The following CFH variants were observed in gnomAD, a reference collection of about 807,000 sequenced individuals.
CFH encodes the protein complement factor H.
In CFH, 53 loss-of-function variants were observed where a neutral mutation model predicts 147.3. The ratio of observed to expected loss-of-function variants is 0.36; its 90% CI spans 0.29 to 0.45. The LOEUF (loss-of-function observed/expected upper bound fraction) is 0.45, where lower values mean the gene tolerates loss of function less well. Among genes scored for constraint, CFH ranks in the 20% least tolerant of loss-of-function variants. CFH has a pLI of 1.00. For missense variants in CFH, 1,380 were observed against 1,498.0 expected (o/e 0.92, Z 1.30); for synonymous variants, 536 against 489.4 (o/e 1.10, Z -1.26).
chr1:196,702,697 A>T (rs1434730338), intron 9 of CFH, among the ~76,000 whole-genome samples: 1 of 151,876 alleles, frequency 6.6e-6, no homozygotes, highest in Admixed American at 6.6e-5. Context: ...ATTCACACTG[A>T]CTCTCCCAGT....
In CFH at chr1:196,747,217, G is replaced by C. The variant is rs776558131; in HGVS notation, c.3600G>C (p.Val1200=). 3.1e-6 allele frequency: 5 copies of C among 1,613,920 alleles called. No homozygotes were observed. Among genetic ancestry groups the C allele is most frequent in the Non-Finnish European group, 4.2e-6 (5 of 1,179,880 alleles). ...YSRTGESVEF[V]CKRGYRLSSR... ...GAACAGGTGAATCAGTTGAATTTGTGTGTAAACGGGGATATCGTCTTTCAT... is the reference window on the plus strand; with the variant it reads ...GAACAGGTGAATCAGTTGAATTTGTCTGTAAACGGGGATATCGTCTTTCAT... The change falls in exon 22 of 22, where the codon GTG becomes GTC. Residue 1200 remains valine, a synonymous_variant. Coordinates refer to ENST00000367429, the MANE Select transcript of CFH (RefSeq NM_000186.4).
At chr1:196,722,525 C>G (rs572842616) in intron 11 of CFH, among the ~76,000 whole-genome samples, 1 of 151,992 alleles carries the variant, frequency 6.6e-6, no homozygotes. Context: ...TAATTTTTCC[C>G]GTTCACATTG....
intron 17 of CFH, among the ~76,000 whole-genome samples, chr1:196,738,951 A>G (rs116506498): frequency 8.2e-4 from 125 of 152,318 alleles, no homozygotes; most frequent in African/African-American, 2.8e-3. Context: ...TCTGCAACCT[A>G]GTTGTAGGTT....
intron 11 of CFH, among the ~76,000 whole-genome samples, chr1:196,723,710 ATGCTCCAAGGATGAG>A (rs1393932131): frequency 1.3e-5 from 2 of 152,058 alleles, no homozygotes; most frequent in African/African-American, 2.4e-5. Flanking sequence ...TCACCCTTGG[ATGCTCCAAGGATGAG>A]CACAAGCACC....
At chr1:196,679,490 G>A (rs1667577624) in intron 5 of CFH, 133 bp from the exon 6 acceptor site, 3 of 636,270 alleles carry the variant, frequency 4.7e-6, no homozygotes, top group South Asian at 2.0e-5. Context: ...AAGCGGTCAA[G>A]TCAAAACAGA....
intron 11 of CFH, among the ~76,000 whole-genome samples, chr1:196,717,213 C>T (rs1040785972): frequency 1.3e-5 from 2 of 152,062 alleles, no homozygotes; most frequent in Admixed American, 6.6e-5. Flanking sequence ...CCACTGCTTG[C>T]TGGGCATGTA....
Position 196,672,942 on chromosome 1 carries a change from C to T in CFH, c.59-36C>T, listed in dbSNP as rs551397. The T allele has an allele frequency of 0.27, 421,400 of 1,542,258 alleles. 67,908 individuals are homozygous for T. Among genetic ancestry groups the T allele is most frequent in the African/African-American group, 0.72 (52,704 of 72,752 alleles). The stretch of plus-strand genomic sequence containing the variant: ...TAAATATACTGTACATTTAAATAGA[C>T]ACTTTATGCACTTATTTTGTTTTTA... On this transcript the variant is annotated intron_variant, in intron 1 of 21. Coordinates refer to ENST00000367429, the MANE Select transcript of CFH (RefSeq NM_000186.4).
chr1:196,726,128 T>C (rs534959963), intron 12 of CFH, among the ~76,000 whole-genome samples: 1 of 152,316 alleles, frequency 6.6e-6, no homozygotes, highest in Non-Finnish European at 1.5e-5. Context: ...GTTGATCAAA[T>C]GCTTGCCTCA....
At chr1:196,744,624 A>G (rs1416994031) in intron 20 of CFH, among the ~76,000 whole-genome samples, 1 of 151,874 alleles carries the variant, frequency 6.6e-6, no homozygotes, top group Non-Finnish European at 1.5e-5. Context: ...ATCCATTTAC[A>G]CTCTCCACGT....
chr1:196,710,454 T>C (rs1318594454), intron 9 of CFH, among the ~76,000 whole-genome samples: 5 of 152,180 alleles, frequency 3.3e-5, no homozygotes, highest in African/African-American at 1.2e-4. Flanking sequence ...TCTCTTCTAT[T>C]CTTCCACGTG....
intron 11 of CFH, among the ~76,000 whole-genome samples, chr1:196,720,946 T>C (rs1230715402): frequency 1.3e-5 from 2 of 151,984 alleles, no homozygotes; most frequent in African/African-American, 4.8e-5. Context: ...TTCTTCTTTC[T>C]CCTCACTGTC....
chr1:196,682,720 A>C (rs1354591943), intron 6 of CFH, among the ~76,000 whole-genome samples: 1 of 151,712 alleles, frequency 6.6e-6, no homozygotes, highest in Non-Finnish European at 1.5e-5. Context: ...GTTAGTGTCA[A>C]CATCAAACAC....
chr1:196,690,297 A>G, intron 9 of CFH, 58 bp downstream of exon 9: 2 of 1,598,524 alleles, frequency 1.3e-6, no homozygotes, highest in Non-Finnish European at 1.7e-6. Flanking sequence ...AACATAGATG[A>G]CATTCTAAGA....
chr1:196,687,656 C>T (rs568599287), intron 7 of CFH, among the ~76,000 whole-genome samples: 1 of 151,860 alleles, frequency 6.6e-6, no homozygotes, highest in African/African-American at 2.4e-5. Context: ...TCAAGCTTTC[C>T]CAATGCAGAA....
rs35742764 is a variant in CFH, at chr1:196,747,411, C to T, written c.*98C>T. The T allele has an allele frequency of 3.3e-3, 4,919 of 1,474,208 alleles. 126 individuals are homozygous for T. In the African/African-American group the frequency reaches 0.059, roughly 18 times the overall value. 91.3% of individuals were successfully genotyped at this position (1,474,208 alleles called of 1,614,324 possible). A position where few individuals can be genotyped will look rare whatever the true frequency, so the allele number is the denominator to read the frequency against. On this transcript the variant is annotated 3_prime_UTR_variant, in exon 22 of 22. Transcript: ENST00000367429. ...ATTGTTTTACTCCTTTTTATTCATA[C>T]GTAAAATTTTGGATTAATTTGTGAA...
Position 196,652,270 on chromosome 1 carries a change from T to C in CFH, c.58+95T>C, listed in dbSNP as rs1244566027. On this transcript the variant is annotated intron_variant, in intron 1 of 21. Transcript: ENST00000367429. ...AGTAATAAAAATTTGATTTAGAAAA[T>C]GTGCTTAAGTATTCTGTAACTTGAC... is the stretch of plus-strand genomic sequence containing the variant. The C allele has an allele frequency of 7.3e-6, 7 of 952,634 alleles. No homozygotes were observed. In the East Asian group the frequency reaches 1.3e-4, roughly 17 times the overall value. The allele number at this position is 952,634 out of a possible 1,614,324, so 59.0% of individuals were successfully genotyped here. A position where few individuals can be genotyped will look rare whatever the true frequency, so the allele number is the denominator to read the frequency against.
At chr1:196,677,209 A>T (rs1303381441) in intron 4 of CFH, 1 of 340,956 alleles carries the variant, frequency 2.9e-6, no homozygotes, top group African/African-American at 2.1e-5. Context: ...ATTTAAAAAT[A>T]CTAGTTTGTT....
chr1:196,734,098 A>T (rs1251485775), intron 15 of CFH, among the ~76,000 whole-genome samples: 4 of 152,064 alleles, frequency 2.6e-5, no homozygotes, highest in Non-Finnish European at 5.9e-5. Context: ...TTTATGTGAG[A>T]TCCAAAAACT....
intron 20 of CFH, 56 bp from the exon 21 acceptor site, chr1:196,745,761 A>G: frequency 6.2e-7 from 1 of 1,612,828 alleles, no homozygotes; most frequent in Non-Finnish European, 8.5e-7. Flanking sequence ...CCTTATTTGA[A>G]CTTGTATTTT....
Sources: gnomAD v4.1 joint callset for allele counts (sites outside exome capture counted in the v4.1 genomes callset) on GRCh38, gnomAD v4.1.1 for gene constraint, MANE v1.5 for transcripts, NCBI Gene and HGNC (gene_info 2026-07-23, HGNC 2026-07-21) for gene names.